SLC14A2: variants seen among roughly 807,000 people sequenced by gnomAD.
The protein encoded by SLC14A2 is urea transporter 2.
A neutral mutation model predicts 104.6 loss-of-function variants in SLC14A2; 91 were observed. The observed-to-expected ratio is 0.87, with a 90% CI of 0.73 to 1.04. SLC14A2 has a LOEUF of 1.04. SLC14A2 is among the 50% of genes least tolerant of loss of function. The pLI is 0.00. For synonymous variants in SLC14A2, 476 were observed against 466.4 expected, an observed-to-expected ratio of 1.02 and a Z score of -0.27; for missense variants, 1,189 against 1,156.0, an observed-to-expected ratio of 1.03 and a Z score of -0.41.
chr18:45,244,794 A>G (rs1420278290), intron 1 of SLC14A2, among the ~76,000 whole-genome samples: 9 of 152,234 alleles, frequency 5.9e-5, no homozygotes, highest in Middle Eastern at 3.2e-3. Context: ...AAAGAGGCAG[A>G]AAAAATAAGA....
At chr18:45,385,570 TA>T (rs1448953465) in intron 1 of SLC14A2, among the ~76,000 whole-genome samples, 2 of 152,214 alleles carry the variant, frequency 1.3e-5, no homozygotes, top group African/African-American at 4.8e-5. Context: ...TAATATTCAA[TA>T]TATGTCAGGT....
chr18:45,240,154 T>C (rs1048901068), intron 1 of SLC14A2, among the ~76,000 whole-genome samples: 4 of 141,010 alleles, frequency 2.8e-5, no homozygotes, highest in South Asian at 4.4e-4. Context: ...TGGAGTACAG[T>C]GGTGCAATCT....
At chr18:45,431,722 C>G (rs900179470) in intron 1 of SLC14A2, among the ~76,000 whole-genome samples, 12 of 152,180 alleles carry the variant, frequency 7.9e-5, no homozygotes, top group African/African-American at 2.9e-4. Flanking sequence ...GCAGTGCCCA[C>G]AGGTCAGTGA....
intron 1 of SLC14A2, among the ~76,000 whole-genome samples, chr18:45,298,071 G>A (rs2084933607): frequency 1.3e-5 from 2 of 152,260 alleles, no homozygotes; most frequent in South Asian, 2.1e-4. Context: ...AAGCCACAGA[G>A]CAATGAAAAC....
intron 18 of SLC14A2, among the ~76,000 whole-genome samples, chr18:45,674,654 C>T (rs1255243006): frequency 6.6e-6 from 1 of 151,862 alleles, no homozygotes; most frequent in East Asian, 1.9e-4. Context: ...TAAAAGGTAG[C>T]CATTCACCTA....
At chr18:45,475,603 TTATATATATATTTAGGA>T (rs2087346168) in intron 1 of SLC14A2, among the ~76,000 whole-genome samples, 2 of 105,824 alleles carry the variant, frequency 1.9e-5, no homozygotes, top group African/African-American at 7.1e-5. Context: ...TATGTTTAGG[TTATATATATATTTAGGA>T]TATATATATA....
At chr18:45,582,592 A>G (rs1234972146) in intron 2 of SLC14A2, among the ~76,000 whole-genome samples, 2 of 152,182 alleles carry the variant, frequency 1.3e-5, no homozygotes, top group African/African-American at 4.8e-5. Flanking sequence ...ACACACACAA[A>G]CTTTAGTCCA....
chr18:45,417,825 A>AT (rs890377651), intron 1 of SLC14A2, among the ~76,000 whole-genome samples: 9 of 152,322 alleles, frequency 5.9e-5, no homozygotes, highest in African/African-American at 1.9e-4. Context: ...AGTAAATAAT[A>AT]TTTTTTAAAG....
At chr18:45,231,685 T>C (rs1372372248) in intron 1 of SLC14A2, among the ~76,000 whole-genome samples, 1 of 152,226 alleles carries the variant, frequency 6.6e-6, no homozygotes, top group African/African-American at 2.4e-5. Flanking sequence ...TATGGCCATA[T>C]GCAAATGGCA....
chr18:45,660,173 ATG>A (rs2045915436), intron 10 of SLC14A2, among the ~76,000 whole-genome samples: 1 of 152,142 alleles, frequency 6.6e-6, no homozygotes, highest in Non-Finnish European at 1.5e-5. Context: ...TCCCTCAGTA[ATG>A]TGTTCAACAA....
chr18:45,571,261 C>A (rs756742270), intron 2 of SLC14A2, among the ~76,000 whole-genome samples: 65 of 152,244 alleles, frequency 4.3e-4, no homozygotes, highest in African/African-American at 8.4e-4. Flanking sequence ...TTAATAAATT[C>A]TTTGTGCTGA....
At chr18:45,480,416 G>T (rs1205590888) in intron 1 of SLC14A2, among the ~76,000 whole-genome samples, 1 of 152,040 alleles carries the variant, frequency 6.6e-6, no homozygotes, top group Non-Finnish European at 1.5e-5. Context: ...GCCCACACCT[G>T]CCCGTGCCTG....
chr18:45,468,725 G>A (rs1053971565), intron 1 of SLC14A2, among the ~76,000 whole-genome samples: 4 of 152,334 alleles, frequency 2.6e-5, no homozygotes, highest in African/African-American at 9.6e-5. Flanking sequence ...GGAAGAAGCC[G>A]TGAAAGAGGT....
intron 1 of SLC14A2, among the ~76,000 whole-genome samples, chr18:45,255,058 A>G (rs2084462540): frequency 1.3e-5 from 2 of 152,120 alleles, no homozygotes; most frequent in Non-Finnish European, 2.9e-5. Context: ...CCACATGGCC[A>G]TCTTGCCAAT....
intron 1 of SLC14A2, among the ~76,000 whole-genome samples, chr18:45,622,774 C>T (rs1028274400): frequency 1.4e-4 from 22 of 152,080 alleles, no homozygotes; most frequent in African/African-American, 5.3e-4. Context: ...GGGATGGGGA[C>T]TGAAAGTGGA....
At chr18:45,451,932 C>G in intron 1 of SLC14A2, among the ~76,000 whole-genome samples, 1 of 152,098 alleles carries the variant, frequency 6.6e-6, no homozygotes, top group Non-Finnish European at 1.5e-5. Context: ...CTCAGTTAAC[C>G]AGAACATGGT....
chr18:45,644,205 A>T (rs1568311515), intron 10 of SLC14A2, 45 bp downstream of exon 10: 1 of 1,591,102 alleles, frequency 6.3e-7, no homozygotes, highest in East Asian at 2.2e-5. Flanking sequence ...GCCTGACCTG[A>T]TGTCCTCTCC....
At chr18:45,368,036 C>G (rs905625259) in intron 1 of SLC14A2, among the ~76,000 whole-genome samples, 3 of 152,092 alleles carry the variant, frequency 2.0e-5, no homozygotes, top group Non-Finnish European at 4.4e-5. Flanking sequence ...GCTCTGTGCA[C>G]AGTGGGAATT....
At chr18:45,272,660 A>T (rs1483046592) in intron 1 of SLC14A2, among the ~76,000 whole-genome samples, 2 of 152,152 alleles carry the variant, frequency 1.3e-5, no homozygotes, top group Non-Finnish European at 2.9e-5. Flanking sequence ...GGTACAAAAA[A>T]TAGAATGAAT....
Sources: gnomAD v4.1 joint callset for allele counts (sites outside exome capture counted in the v4.1 genomes callset) on GRCh38, gnomAD v4.1.1 for gene constraint, MANE v1.5 for transcripts, NCBI Gene and HGNC (gene_info 2026-07-23, HGNC 2026-07-21) for gene names.